The following RBFOX1 variants were observed in gnomAD, a reference collection of about 807,000 sequenced individuals.
RBFOX1 encodes RNA binding protein fox-1 homolog 1.
Under a neutral mutation model 57.7 loss-of-function variants are expected in RBFOX1, and 8 were observed. That is an observed-to-expected ratio of 0.14 (90% CI 0.08 to 0.25). The LOEUF (loss-of-function observed/expected upper bound fraction) is 0.25. Ranked by LOEUF, RBFOX1 falls within the 10% of genes least tolerant of loss-of-function variation. RBFOX1 has a pLI of 1.00. For synonymous variants in RBFOX1, 326 were observed against 222.4 expected (o/e 1.47, Z -4.15); for missense variants, 611 against 548.5 (o/e 1.11, Z -1.14).
At chr16:6,843,531 A>T (rs930921918) in intron 3 of RBFOX1, among the ~76,000 whole-genome samples, 13 of 149,980 alleles carry the variant, frequency 8.7e-5, no homozygotes, top group South Asian at 2.1e-4. Context: ...TACTAAAAAT[A>T]AAAAAAAATT....
At chr16:5,809,570 A>G (rs1477377852) in intron 3 of RBFOX1, among the ~76,000 whole-genome samples, 12 of 152,260 alleles carry the variant, frequency 7.9e-5, no homozygotes, top group Non-Finnish European at 1.6e-4. Flanking sequence ...AAACACATGA[A>G]AAAATGCTCA....
At chr16:5,522,949 A>G (rs2044078483) in intron 2 of RBFOX1, among the ~76,000 whole-genome samples, 1 of 151,732 alleles carries the variant, frequency 6.6e-6, no homozygotes, top group Non-Finnish European at 1.5e-5. Context: ...CCATTGATGG[A>G]CACTGAGGTT....
At chr16:6,553,031 A>G (rs1159225594) in intron 2 of RBFOX1, among the ~76,000 whole-genome samples, 1 of 152,066 alleles carries the variant, frequency 6.6e-6, no homozygotes, top group Non-Finnish European at 1.5e-5. Context: ...TTTTATTATT[A>G]TTTGTTTTGA....
At chr16:5,444,170 A>G (rs1264393625) in intron 1 of RBFOX1, among the ~76,000 whole-genome samples, 2 of 152,224 alleles carry the variant, frequency 1.3e-5, no homozygotes. Flanking sequence ...TTTGTGTTCT[A>G]TTAATGAACA....
At chr16:5,401,672 A>G (rs962283322) in intron 1 of RBFOX1, among the ~76,000 whole-genome samples, 9 of 152,128 alleles carry the variant, frequency 5.9e-5, no homozygotes, top group African/African-American at 1.9e-4. Flanking sequence ...TAATCTTTCC[A>G]TCCAGGGAAG....
At chr16:7,534,725 A>G (rs867131462) in intron 5 of RBFOX1, among the ~76,000 whole-genome samples, 2 of 152,162 alleles carry the variant, frequency 1.3e-5, no homozygotes, top group African/African-American at 4.8e-5. Context: ...AAGGGTTCCT[A>G]GGATAGGAGA....
intron 3 of RBFOX1, among the ~76,000 whole-genome samples, chr16:6,916,925 C>T (rs1228804868): frequency 2.0e-5 from 3 of 152,292 alleles, no homozygotes; most frequent in African/African-American, 7.2e-5. Flanking sequence ...TCTCGGCTCA[C>T]TGCAACCTCC....
intron 4 of RBFOX1, among the ~76,000 whole-genome samples, chr16:7,327,813 C>CA (rs2096631019): frequency 6.7e-6 from 1 of 149,252 alleles, no homozygotes; most frequent in Non-Finnish European, 1.5e-5. Flanking sequence ...ACAATATTAC[C>CA]TTTTTTTTTT....
At chr16:5,409,659 G>T (rs745932927) in intron 1 of RBFOX1, among the ~76,000 whole-genome samples, 1 of 152,178 alleles carries the variant, frequency 6.6e-6, no homozygotes, top group East Asian at 1.9e-4. Flanking sequence ...TCCAGGAAGC[G>T]TATATTCATT....
At chr16:6,455,737 A>C (rs942952246) in intron 2 of RBFOX1, among the ~76,000 whole-genome samples, 13 of 152,194 alleles carry the variant, frequency 8.5e-5, no homozygotes, top group Non-Finnish European at 1.5e-4. Context: ...GGGTCGTTGC[A>C]GCTGGTAATG....
At chr16:6,186,094 GA>G (rs1355123531) in intron 1 of RBFOX1, among the ~76,000 whole-genome samples, 8 of 152,152 alleles carry the variant, frequency 5.3e-5, no homozygotes, top group Non-Finnish European at 1.0e-4. Context: ...ATTTTTTTCT[GA>G]CATGATTATA....
intron 3 of RBFOX1, among the ~76,000 whole-genome samples, chr16:6,745,231 T>G (rs1393784193): frequency 6.6e-6 from 1 of 152,096 alleles, no homozygotes; most frequent in African/African-American, 2.4e-5. Flanking sequence ...ATGACTTTGT[T>G]AATAAACTTT....
chr16:7,688,205 T>A (rs1598122263), intron 14 of RBFOX1, among the ~76,000 whole-genome samples: 1 of 146,240 alleles, frequency 6.8e-6, no homozygotes, highest in African/African-American at 2.5e-5. Context: ...CTAGTAGGCA[T>A]CCTTGGCAGG....
intron 4 of RBFOX1, among the ~76,000 whole-genome samples, chr16:7,244,837 T>G (rs1922583): frequency 6.6e-6 from 1 of 151,986 alleles, no homozygotes; most frequent in African/African-American, 2.4e-5. Context: ...TGTTCCCACT[T>G]CTGCTCATGA....
intron 4 of RBFOX1, among the ~76,000 whole-genome samples, chr16:7,393,765 C>T (rs1257172297): frequency 2.0e-5 from 3 of 152,162 alleles, no homozygotes; most frequent in Admixed American, 1.3e-4. Flanking sequence ...GGGTGGTAGC[C>T]GCCTTACCCC....
intron 1 of RBFOX1, among the ~76,000 whole-genome samples, chr16:6,183,238 T>A (rs2097078755): frequency 6.6e-6 from 1 of 151,944 alleles, no homozygotes; most frequent in Non-Finnish European, 1.5e-5. Context: ...CCCAGCACTT[T>A]GGGAGGCCAA....
At chr16:6,430,262 G>A (rs2094042197) in intron 2 of RBFOX1, among the ~76,000 whole-genome samples, 1 of 152,184 alleles carries the variant, frequency 6.6e-6, no homozygotes, top group South Asian at 2.1e-4. Flanking sequence ...CTGGGCACCA[G>A]GGAATATAAA....
intron 2 of RBFOX1, among the ~76,000 whole-genome samples, chr16:5,570,003 G>C (rs896670183): frequency 1.3e-5 from 2 of 152,192 alleles, no homozygotes; most frequent in Admixed American, 1.3e-4. Context: ...TAGGAGTGGA[G>C]TTTAGACTTT....
intron 2 of RBFOX1, among the ~76,000 whole-genome samples, chr16:6,553,311 A>G (rs1412711819): frequency 6.6e-6 from 1 of 152,256 alleles, no homozygotes. Flanking sequence ...GGGTTGAAAT[A>G]AAGATCGTGA....
Sources: allele counts gnomAD v4.1 joint callset (sites outside exome capture counted in the v4.1 genomes callset), GRCh38; gene constraint gnomAD v4.1.1; transcripts MANE v1.5; gene names NCBI Gene and HGNC (gene_info 2026-07-23, HGNC 2026-07-21).